EML1: variants seen among roughly 807,000 people sequenced by gnomAD.
EML1 encodes the protein EMAP like 1.
EML1 carries 27 observed loss-of-function variants against 110.4 expected under a neutral mutation model. That is an observed-to-expected ratio of 0.24 (90% confidence interval 0.18 to 0.34). The LOEUF (loss-of-function observed/expected upper bound fraction) is 0.34, where lower values mean the gene tolerates loss of function less well. Among genes scored for constraint, EML1 ranks in the 10% least tolerant of loss-of-function variants. The pLI is 1.00. For synonymous variants in EML1, 344 were observed against 385.8 expected, an observed-to-expected ratio of 0.89 and a Z score of 1.27; for missense variants, 741 against 1,030.9, an observed-to-expected ratio of 0.72 and a Z score of 3.85.
intron 1 of EML1, among the ~76,000 whole-genome samples, chr14:99,786,594 G>A (rs540077167): frequency 3.3e-5 from 5 of 152,304 alleles, no homozygotes; most frequent in East Asian, 3.9e-4. Flanking sequence ...CAGGGGAGGC[G>A]GACACTGAGG....
chr14:99,847,031 C>T (rs2058717639), intron 1 of EML1, among the ~76,000 whole-genome samples: 1 of 151,874 alleles, frequency 6.6e-6, no homozygotes, highest in Non-Finnish European at 1.5e-5. Context: ...TAGCTGCATC[C>T]CATGTATTTT....
At chr14:99,900,881 T>G in intron 8 of EML1, 48 bp from the exon 9 acceptor site, 1 of 1,486,828 alleles carries the variant, frequency 6.7e-7, no homozygotes, top group Non-Finnish European at 9.4e-7. Flanking sequence ...TAAAGACACA[T>G]GTGTATCACC....
intron 1 of EML1, among the ~76,000 whole-genome samples, chr14:99,820,298 C>T (rs564837362): frequency 6.6e-6 from 1 of 152,190 alleles, no homozygotes; most frequent in Non-Finnish European, 1.5e-5. Flanking sequence ...TTGTATGGCA[C>T]GTTGCTCTCA....
chr14:99,851,606 C>T (rs192228079), intron 2 of EML1, among the ~76,000 whole-genome samples: 2 of 152,270 alleles, frequency 1.3e-5, no homozygotes. Context: ...TGCGCCCGGC[C>T]GAGAACAGTT....
In EML1 at chr14:99,878,531, C is replaced by T; in HGVS notation, c.430C>T (p.Arg144Ter). The T allele has an allele frequency of 1.9e-6, 3 of 1,613,922 alleles. No individual in the cohort carries two copies. The highest frequency in any genetic ancestry group is 2.2e-5 in the East Asian group (1 of 44,878). ...SSSERVSPGGRRESNGDSRGN... is the reference protein window; with the variant it reads ...SSSERVSPGG ...TTCTGAACGAGTGTCTCCTGGGGGTCGAAGGGAAAGCAATGGGGATTCCAG... is the reference window on the plus strand; with the variant it reads ...TTCTGAACGAGTGTCTCCTGGGGGTTGAAGGGAAAGCAATGGGGATTCCAG... The change falls in exon 4 of 22, where the codon CGA (arginine) becomes TGA (stop). Residue 144 changes from arginine to a stop codon, truncating the protein, a stop_gained. Transcript: ENST00000262233. LOFTEE classifies it high-confidence loss of function.
chr14:99,916,823 CT>C (rs1173296057), intron 15 of EML1, among the ~76,000 whole-genome samples: 1 of 152,226 alleles, frequency 6.6e-6, no homozygotes, highest in Non-Finnish European at 1.5e-5. Flanking sequence ...AATTCTTCCT[CT>C]CCTGGGAGGC....
chr14:99,932,371 C>T (rs2060386348), intron 17 of EML1, among the ~76,000 whole-genome samples: 1 of 152,206 alleles, frequency 6.6e-6, no homozygotes, highest in South Asian at 2.1e-4. Context: ...GGCGCGGTGG[C>T]TCACATCTGT....
At chr14:99,840,170 G>T (rs992511882) in intron 1 of EML1, among the ~76,000 whole-genome samples, 5 of 152,196 alleles carry the variant, frequency 3.3e-5, no homozygotes, top group African/African-American at 1.2e-4. Context: ...TGAGCAAAGG[G>T]TTATTATTTG....
intron 15 of EML1, chr14:99,915,300 T>A (rs935964741): frequency 6.6e-6 from 1 of 152,402 alleles, no homozygotes; most frequent in African/African-American, 2.4e-5. Context: ...TACTCCCAGC[T>A]CCTTGGAAGG....
chr14:99,924,838 A>G (rs2060204614), intron 17 of EML1, among the ~76,000 whole-genome samples: 1 of 152,166 alleles, frequency 6.6e-6, no homozygotes, highest in Non-Finnish European at 1.5e-5. Flanking sequence ...TGTTGGGATT[A>G]TTATGTGGGT....
At chr14:99,891,541 T>TG (rs1205409232) in intron 5 of EML1, among the ~76,000 whole-genome samples, 1 of 152,248 alleles carries the variant, frequency 6.6e-6, no homozygotes, top group Non-Finnish European at 1.5e-5. Flanking sequence ...AGGTGTCTGT[T>TG]GCCTTGGTTA....
intron 10 of EML1, among the ~76,000 whole-genome samples, chr14:99,908,269 G>A (rs2059889643): frequency 6.6e-6 from 1 of 152,238 alleles, no homozygotes; most frequent in African/African-American, 2.4e-5. Context: ...GGCCCCTTGG[G>A]ACTTCTTTGA....
chr14:99,852,101 G>A (rs2058819256), intron 2 of EML1, among the ~76,000 whole-genome samples: 4 of 152,166 alleles, frequency 2.6e-5, no homozygotes, highest in Admixed American at 2.6e-4. Context: ...GAAGATAATG[G>A]AATTAGACAA....
At chr14:99,815,331 C>T (rs1373759060) in intron 1 of EML1, among the ~76,000 whole-genome samples, 3 of 151,950 alleles carry the variant, frequency 2.0e-5, no homozygotes, top group South Asian at 2.1e-4. Context: ...TTAATAGAGA[C>T]GGGGTTTCAC....
intron 1 of EML1, among the ~76,000 whole-genome samples, chr14:99,811,038 C>G (rs2058067510): frequency 6.6e-6 from 1 of 151,550 alleles, no homozygotes; most frequent in Non-Finnish European, 1.5e-5. Flanking sequence ...ATATGTCTGT[C>G]TGGGATCCCA....
chr14:99,794,306 T>C lies in EML1; in HGVS notation c.67+763T>C, dbSNP rs925099064. Among the ~76,000 whole-genome samples the C allele has an allele frequency of 4.6e-5, 7 of 152,104 alleles. No homozygotes were observed. The South Asian group carries it at 1.2e-3, about 27-fold the overall frequency. ...CACTGAATATTTTATCAGAACATGA[T>C]GTGTGATAATTCACGCACAAAAGTT... On this transcript the variant is annotated intron_variant, in intron 1 of 21. Coordinates refer to ENST00000262233, the MANE Select transcript of EML1 (RefSeq NM_004434.3).
At chr14:99,937,731 C>G (rs1057394484) in intron 19 of EML1, 86 bp from the exon 20 acceptor site, 1 of 1,244,254 alleles carries the variant, frequency 8.0e-7, no homozygotes, top group Admixed American at 1.8e-5. Flanking sequence ...CTGTACCCAA[C>G]GGGGCACAGC....
At chr14:99,893,823 C>T (rs1201782979) in intron 5 of EML1, among the ~76,000 whole-genome samples, 2 of 152,166 alleles carry the variant, frequency 1.3e-5, no homozygotes, top group Non-Finnish European at 2.9e-5. Flanking sequence ...GAGCGGAGCT[C>T]ACAAGACATT....
At position 99,891,246 on chromosome 14, in the gene EML1, A is replaced by G. The variant is rs1370192132; in HGVS notation, c.547+19A>G. 6.2e-7 allele frequency: 1 copy of G among 1,613,946 alleles called. No individual in the cohort carries two copies. The highest frequency in any genetic ancestry group is 8.5e-7 in the Non-Finnish European group (1 of 1,179,912). On this transcript the variant is annotated intron_variant, in intron 5 of 21. Coordinates refer to ENST00000262233, the MANE Select transcript of EML1 (RefSeq NM_004434.3). Reference sequence around the variant, plus strand: ...AGTGCAGGTAAGTCTGATTTAATTTATGTATGGGAACCCCTCACTCACTCT... The same window carrying G: ...AGTGCAGGTAAGTCTGATTTAATTTGTGTATGGGAACCCCTCACTCACTCT...
Sources: gnomAD v4.1 joint callset for allele counts (sites outside exome capture counted in the v4.1 genomes callset) on GRCh38, gnomAD v4.1.1 for gene constraint, MANE v1.5 for transcripts, NCBI Gene and HGNC (gene_info 2026-07-23, HGNC 2026-07-21) for gene names.